Variants in EPHA8 observed in about 807,000 individuals in gnomAD.
The protein encoded by EPHA8 is EPH receptor A8, also known as ephrin type-A receptor 8.
Under a neutral mutation model 103.6 loss-of-function variants are expected in EPHA8, and 58 were observed. The observed-to-expected ratio is 0.56, with a 90% CI of 0.45 to 0.70. The LOEUF (loss-of-function observed/expected upper bound fraction) is 0.70. EPHA8 is among the 30% of genes least tolerant of loss of function. EPHA8 has a pLI of 0.00. For missense variants in EPHA8, 1,304 were observed against 1,395.2 expected, an observed-to-expected ratio of 0.93 and a Z score of 1.04; for synonymous variants, 559 against 572.5, an observed-to-expected ratio of 0.98 and a Z score of 0.34.
At chr1:22,595,032 T>C (rs11802120) in intron 7 of EPHA8, among the ~76,000 whole-genome samples, 198 bp from the exon 8 acceptor site, 5,376 of 152,192 alleles carry the variant, frequency 0.035, 320 homozygotes, top group African/African-American at 0.12. Flanking sequence ...TCTCACGAAC[T>C]TGAAGAGGAA....
Position 22,569,495 on chromosome 1 carries a change from G to A in EPHA8, c.159+142G>A, listed in dbSNP as rs1640462389. The A allele has an allele frequency of 3.6e-6, 3 of 823,876 alleles. No individual in the cohort carries two copies. The highest frequency in any genetic ancestry group is 1.8e-5 in the African/African-American group (1 of 56,622). The allele number at this position is 823,876 out of a possible 1,614,324, so 51.0% of individuals were successfully genotyped here. A position where few individuals can be genotyped will look rare whatever the true frequency, so the allele number is the denominator to read the frequency against. ...CTTACCCAAGGGCACACAGCAGTTA[G>A]TGCTGCTGATCTCTTAACAGTTTAG... is the stretch of plus-strand genomic sequence containing the variant. On this transcript the variant is annotated intron_variant, in intron 2 of 16. Coordinates refer to ENST00000166244, the MANE Select transcript of EPHA8 (RefSeq NM_020526.5). This position sits in a 1 kb window ranked among gnomAD's most constrained non-coding sequence, Gnocchi z 4.5.
intron 4 of EPHA8, among the ~76,000 whole-genome samples, chr1:22,587,084 G>A (rs1357373962): frequency 6.6e-6 from 1 of 152,250 alleles, no homozygotes; most frequent in Non-Finnish European, 1.5e-5. Flanking sequence ...TGTGTATGGT[G>A]TGTGTGCATA....
At chr1:22,585,317 T>A (rs931397217) in intron 3 of EPHA8, among the ~76,000 whole-genome samples, 1 of 152,164 alleles carries the variant, frequency 6.6e-6, no homozygotes, top group Admixed American at 6.5e-5. Flanking sequence ...TTTCATTGTC[T>A]AAGCCCTGGG....
chr1:22,578,382 A>G (rs907557092), intron 3 of EPHA8, among the ~76,000 whole-genome samples: 8 of 112,750 alleles, frequency 7.1e-5, no homozygotes, highest in Admixed American at 1.9e-4. Flanking sequence ...GCTTTAGTAT[A>G]TGTATGCATG....
intron 5 of EPHA8, among the ~76,000 whole-genome samples, chr1:22,590,137 C>T (rs1322603184): frequency 6.6e-6 from 1 of 152,162 alleles, no homozygotes; most frequent in Non-Finnish European, 1.5e-5. Flanking sequence ...GTGGAACACC[C>T]ACTAAATGCC....
chr1:22,589,398 ATAAG>A lies in EPHA8; in HGVS notation c.1315+197_1315+200del, dbSNP rs200753371. The A allele has an allele frequency of 7.9e-3, 11,925 of 1,518,570 alleles. 64 individuals carry two copies. Among genetic ancestry groups the A allele is most frequent in the Middle Eastern group, 0.017 (97 of 5,662 alleles). The allele number at this position is 1,518,570 out of a possible 1,614,324, so 94.1% of individuals were successfully genotyped here. A position where few individuals can be genotyped will look rare whatever the true frequency, so the allele number is the denominator to read the frequency against. On this transcript the variant is annotated intron_variant, in intron 5 of 16. Coordinates refer to ENST00000166244, the MANE Select transcript of EPHA8 (RefSeq NM_020526.5). The surrounding 1 kb of genome is among the most constrained non-coding windows in gnomAD (Gnocchi z 4.3). Reference sequence around the variant, plus strand: ...CCTTTAGAAAAGTGGAACACATTCTATAAGTAAGAGAAATCCCAAAAGCTCAGAG... The same window carrying A: ...CCTTTAGAAAAGTGGAACACATTCTATAAGAGAAATCCCAAAAGCTCAGAG...
At chr1:22,585,052 C>CGTGCGCGCGCGT (rs1553146964) in intron 3 of EPHA8, among the ~76,000 whole-genome samples, 1 of 144,370 alleles carries the variant, frequency 6.9e-6, no homozygotes, top group African/African-American at 2.7e-5. Flanking sequence ...TGTGTGTGTG[C>CGTGCGCGCGCGT]GCACGCGTGT....
intron 14 of EPHA8, 29 bp from the exon 15 acceptor site, chr1:22,600,869 C>T (rs546821661): frequency 3.7e-5 from 59 of 1,588,486 alleles, no homozygotes; most frequent in South Asian, 2.0e-4. Context: ...CAGGGAGGGA[C>T]GGCTGAGCCC....
In EPHA8 at chr1:22,569,171, C is replaced by T; in HGVS notation, c.95-118C>T. 3.3e-6 allele frequency: 3 copies of T among 907,082 alleles called. No homozygotes were observed. The highest frequency in any genetic ancestry group is 2.6e-5 in the East Asian group (1 of 38,450). The allele number at this position is 907,082 out of a possible 1,614,324, so 56.2% of individuals were successfully genotyped here. ...GAGAAAGGGCATTCAGGCAGAGGGA[C>T]CCGTGTGAGCTGTGTGCTGGGGGCT... On this transcript the variant is annotated intron_variant, in intron 1 of 16. Transcript: ENST00000166244. The surrounding 1 kb of genome is among the most constrained non-coding windows in gnomAD (Gnocchi z 4.5).
chr1:22,601,016 C>T lies in EPHA8; in HGVS notation c.2657C>T (p.Ser886Phe), dbSNP rs1374737604. 1.2e-6 allele frequency: 2 copies of T among 1,612,924 alleles called. No individual in the cohort carries two copies. Among genetic ancestry groups the T allele is most frequent in the East Asian group, 2.2e-5 (1 of 44,860 alleles). Residue 886 changes from serine to phenylalanine, a missense_variant, in exon 15 of 17, where the codon TCC becomes TTC. By Grantham distance (155) the Ser-to-Phe change is radical. Coordinates refer to ENST00000166244, the MANE Select transcript of EPHA8 (RefSeq NM_020526.5). Reference sequence around the variant, plus strand: ...GACCGGGCGCAGCGGCCTCGCTTCTCCCAGATTGTCAGTGTCCTCGATGCG... The same window carrying T: ...GACCGGGCGCAGCGGCCTCGCTTCTTCCAGATTGTCAGTGTCCTCGATGCG... ...HKDRAQRPRFSQIVSVLDALI... is the reference protein window; with the variant it reads ...HKDRAQRPRFFQIVSVLDALI...
At chr1:22,570,397 C>T (rs1052163573) in intron 2 of EPHA8, among the ~76,000 whole-genome samples, 5 of 152,246 alleles carry the variant, frequency 3.3e-5, no homozygotes, top group African/African-American at 4.8e-5. Context: ...CGCGCGCATA[C>T]GCACATATGC....
rs567786868 is a variant in EPHA8, at chr1:22,576,310, C to T, written c.253C>T (p.Arg85Cys). 12 of 1,613,900 alleles carry T rather than the reference C, an allele frequency of 7.4e-6. No individual in the cohort carries two copies. Among genetic ancestry groups the T allele is most frequent in the East Asian group, 2.2e-5 (1 of 44,862 alleles). The change falls in exon 3 of 17, where the codon CGC becomes TGC. Residue 85 changes from arginine (R) to cysteine (C), a missense_variant. Arg to Cys is a radical substitution (Grantham distance 180, BLOSUM62 -3). Transcript: ENST00000166244. The surrounding 1 kb of genome is among the most constrained non-coding windows in gnomAD (Gnocchi z 4.8). ...VMSPNQNNWL[R>C]TSWVPRDGAR... The stretch of plus-strand genomic sequence containing the variant: ...GAGCCCCAACCAGAACAACTGGCTG[C>T]GCACGAGCTGGGTCCCCCGAGACGG...
Position 22,589,436 on chromosome 1 carries a change from G to C in EPHA8, c.1315+230G>C. 2 of 1,494,170 alleles carry C rather than the reference G, an allele frequency of 1.3e-6. No homozygotes were observed. Among genetic ancestry groups the C allele is most frequent in the Non-Finnish European group, 1.8e-6 (2 of 1,129,854 alleles). The allele number at this position is 1,494,170 out of a possible 1,614,324, so 92.6% of individuals were successfully genotyped here. ...ATCCCAAAAGCTCAGAGGCAGGCTA[G>C]TGTGGCCGTCGAAAGCCTAGGTTCC... On this transcript the variant is annotated intron_variant, in intron 5 of 16. Transcript: ENST00000166244. The surrounding 1 kb of genome is among the most constrained non-coding windows in gnomAD (Gnocchi z 4.3).
chr1:22,590,509 T>C (rs1641343816), intron 5 of EPHA8, among the ~76,000 whole-genome samples: 1 of 152,138 alleles, frequency 6.6e-6, no homozygotes, highest in African/African-American at 2.4e-5. Flanking sequence ...GCCACATCCA[T>C]GGGCGCCTCT....
chr1:22,579,004 C>T (rs570720968), intron 3 of EPHA8, among the ~76,000 whole-genome samples: 2 of 132,898 alleles, frequency 1.5e-5, no homozygotes, highest in African/African-American at 6.0e-5. Context: ...TGTGTATATG[C>T]ATGTGTGTGC....
In EPHA8 at chr1:22,589,224, G is replaced by C. The variant is rs199679973; in HGVS notation, c.1315+18G>C. 5 of 1,613,966 alleles carry C rather than the reference G, an allele frequency of 3.1e-6. No individual in the cohort carries two copies. ...CCAGGCAGGTAGGCGGAGAAACTCC[G>C]TCCCGCAGCGTCCTGGTCCCCCAGC... is the stretch of plus-strand genomic sequence containing the variant. On this transcript the variant is annotated intron_variant, in intron 5 of 16. Transcript: ENST00000166244. The surrounding 1 kb of genome is among the most constrained non-coding windows in gnomAD (Gnocchi z 4.3).
intron 13 of EPHA8, among the ~76,000 whole-genome samples, chr1:22,599,656 AAAGG>A (rs150887364): frequency 1.6e-4 from 8 of 50,908 alleles, no homozygotes; most frequent in Admixed American, 2.2e-4. Context: ...GGAAGGAAGG[AAAGG>A]AGGGAGGGAG....
rs1164998225 is a variant in EPHA8 at position 22,600,986 on chromosome 1, A to C, written c.2627A>C (p.His876Pro). The C allele has an allele frequency of 6.2e-7, 1 of 1,612,868 alleles. No homozygotes were observed. Among genetic ancestry groups the C allele is most frequent in the Non-Finnish European group, 8.5e-7 (1 of 1,179,858 alleles). ...ALHQLMLDCW[H>P]KDRAQRPRFS... is the part of the protein sequence containing the mutation. ...CACCAGCTCATGCTCGACTGTTGGC[A>C]CAAGGACCGGGCGCAGCGGCCTCGC... Residue 876 changes from histidine (H) to proline (P), a missense_variant, in exon 15 of 17, where the codon CAC (histidine) becomes CCC (proline). Transcript: ENST00000166244.
In EPHA8 at chr1:22,598,117, A is replaced by C; in HGVS notation, c.2117-34A>C. 1.2e-6 allele frequency: 2 copies of C among 1,611,270 alleles called. No individual in the cohort carries two copies. Among genetic ancestry groups the C allele is most frequent in the Non-Finnish European group, 1.7e-6 (2 of 1,178,316 alleles). The stretch of plus-strand genomic sequence containing the variant: ...TCTGATCAGCAGCCCTGAGCCCCAA[A>C]CCAAGAGCCACCCTCTCCCTACTGC... On this transcript the variant is annotated intron_variant, in intron 11 of 16. Coordinates refer to ENST00000166244, the MANE Select transcript of EPHA8 (RefSeq NM_020526.5). The surrounding 1 kb of genome is among the most constrained non-coding windows in gnomAD (Gnocchi z 5.1).
Sources: allele counts gnomAD v4.1 joint callset (sites outside exome capture counted in the v4.1 genomes callset), GRCh38; gene constraint gnomAD v4.1.1; non-coding constraint Gnocchi (gnomAD v3.1); transcripts MANE v1.5; gene names NCBI Gene and HGNC (gene_info 2026-07-23, HGNC 2026-07-21).